GRIK2: variants seen among roughly 807,000 people sequenced by gnomAD.
The protein encoded by GRIK2 is glutamate receptor ionotropic, kainate 2.
A neutral mutation model predicts 100.3 loss-of-function variants in GRIK2; 32 were observed. The observed-to-expected ratio is 0.32, with a 90% CI of 0.24 to 0.43. The LOEUF is 0.43. Ranked by LOEUF, GRIK2 falls within the 20% of genes least tolerant of loss-of-function variation. The pLI is 1.00. For missense variants in GRIK2, 843 were observed against 1,114.9 expected (o/e 0.76, Z 3.47); for synonymous variants, 417 against 389.4 (o/e 1.07, Z -0.83).
At chr6:101,687,872 A>G (rs1341413551) in intron 7 of GRIK2, among the ~76,000 whole-genome samples, 3 of 151,466 alleles carry the variant, frequency 2.0e-5, no homozygotes, top group Non-Finnish European at 3.0e-5. Flanking sequence ...AAATTAAAAT[A>G]TTTTCCTTCA....
At chr6:101,533,574 ATTCAGAGAAGGCAAGCCTG>A (rs1426721106) in intron 2 of GRIK2, among the ~76,000 whole-genome samples, 2 of 152,032 alleles carry the variant, frequency 1.3e-5, no homozygotes, top group African/African-American at 4.8e-5. Context: ...CTACAAAACT[ATTCAGAGAAGGCAAGCCTG>A]TTCAGAAATT....
chr6:101,755,962 GT>G (rs1777110664), intron 7 of GRIK2, among the ~76,000 whole-genome samples: 1 of 152,122 alleles, frequency 6.6e-6, no homozygotes, highest in Non-Finnish European at 1.5e-5. Flanking sequence ...GGGGGAAAAT[GT>G]TTATAAGGAA....
chr6:101,787,390 C>T (rs538788023), intron 7 of GRIK2, among the ~76,000 whole-genome samples: 130 of 151,798 alleles, frequency 8.6e-4, no homozygotes, highest in Non-Finnish European at 1.6e-3. Flanking sequence ...TGAGGTGCAT[C>T]ATTAGGTTAT....
intron 7 of GRIK2, among the ~76,000 whole-genome samples, chr6:101,747,508 A>G (rs1776492276): frequency 1.3e-5 from 2 of 152,264 alleles, no homozygotes; most frequent in South Asian, 4.1e-4. Flanking sequence ...TTCTTTTCTG[A>G]AAATAAACTG....
chr6:101,681,381 A>C (rs1338957322), intron 5 of GRIK2, among the ~76,000 whole-genome samples: 1 of 148,318 alleles, frequency 6.7e-6, no homozygotes, highest in East Asian at 2.0e-4. Context: ...ATGTGCCACC[A>C]TGCCTGGCTA....
chr6:101,565,740 AC>A (rs1777224838), intron 2 of GRIK2, among the ~76,000 whole-genome samples: 1 of 151,386 alleles, frequency 6.6e-6, no homozygotes, highest in South Asian at 2.1e-4. Flanking sequence ...AGGGGTGCTG[AC>A]CCCCACACAG....
chr6:102,048,800 C>T (rs980195805), intron 15 of GRIK2, among the ~76,000 whole-genome samples: 3 of 151,902 alleles, frequency 2.0e-5, no homozygotes, highest in African/African-American at 7.2e-5. Context: ...CAAACCACTA[C>T]CTAATGCTAG....
chr6:101,451,242 A>G (rs1475567437), intron 2 of GRIK2, among the ~76,000 whole-genome samples: 1 of 151,694 alleles, frequency 6.6e-6, no homozygotes, highest in Admixed American at 6.6e-5. Context: ...GTTTGAGCTC[A>G]ATTGTCATTC....
At chr6:101,880,434 TC>T (rs1193259260) in intron 11 of GRIK2, among the ~76,000 whole-genome samples, 1 of 152,080 alleles carries the variant, frequency 6.6e-6, no homozygotes, top group African/African-American at 2.4e-5. Flanking sequence ...TCTGGGTATT[TC>T]TTGCTTCAAA....
At chr6:101,777,346 T>C (rs1271296333) in intron 7 of GRIK2, among the ~76,000 whole-genome samples, 1 of 152,118 alleles carries the variant, frequency 6.6e-6, no homozygotes, top group African/African-American at 2.4e-5. Context: ...CCCCTCCTTC[T>C]TGCTCAGAGG....
At chr6:101,928,663 A>G (rs1331557544) in intron 14 of GRIK2, 31 bp downstream of exon 14, 3 of 1,102,066 alleles carry the variant, frequency 2.7e-6, no homozygotes, top group African/African-American at 1.5e-5. Flanking sequence ...AAAATTTACA[A>G]ATTAAAATGA....
intron 2 of GRIK2, among the ~76,000 whole-genome samples, chr6:101,588,733 G>T (rs1057141345): frequency 6.6e-6 from 1 of 151,598 alleles, no homozygotes; most frequent in East Asian, 1.9e-4. Flanking sequence ...CCCATATTTG[G>T]GTGCATTGAA....
intron 2 of GRIK2, among the ~76,000 whole-genome samples, chr6:101,597,452 T>C (rs1778976696): frequency 6.6e-6 from 1 of 151,772 alleles, no homozygotes; most frequent in Non-Finnish European, 1.5e-5. Context: ...GTGTTGATTT[T>C]AGTGTATACT....
intron 16 of GRIK2, among the ~76,000 whole-genome samples, chr6:102,059,205 C>A (rs1359954400): frequency 6.6e-6 from 1 of 151,038 alleles, no homozygotes; most frequent in Non-Finnish European, 1.5e-5. Context: ...ATGGAAATTG[C>A]ATTCCTTTCA....
At position 101,732,394 on chromosome 6, in the gene GRIK2, TAAC is replaced by T. The variant is rs148161763; in HGVS notation, c.951+46044_951+46046del. On this transcript the variant is annotated intron_variant, in intron 7 of 16. Coordinates refer to ENST00000369134, the MANE Select transcript of GRIK2 (RefSeq NM_021956.5). ...TTATTGAGATTTTTACATTAAGTGA[TAAC>T]AATCATATTTTTTTTAGTTTTCAAA... is the stretch of plus-strand genomic sequence containing the variant. Among the ~76,000 whole-genome samples the T allele has an allele frequency of 9.2e-3, 1,393 of 152,238 alleles. 14 individuals are homozygous for T. The highest frequency in any genetic ancestry group is 0.015 in the Non-Finnish European group (1,030 of 68,002).
At chr6:102,054,313 G>A (rs1355902668) in intron 15 of GRIK2, among the ~76,000 whole-genome samples, 3 of 152,028 alleles carry the variant, frequency 2.0e-5, no homozygotes, top group African/African-American at 7.2e-5. Context: ...AAAATTACAG[G>A]CAATGTTGAA....
chr6:101,671,398 A>T (rs972176646), intron 4 of GRIK2, among the ~76,000 whole-genome samples: 2 of 152,270 alleles, frequency 1.3e-5, no homozygotes, highest in African/African-American at 4.8e-5. Context: ...AAAACAAAAA[A>T]AAAAGTGAGA....
chr6:101,823,860 CTGTTTTTTTTTTTT>C (rs1400906553), intron 10 of GRIK2, among the ~76,000 whole-genome samples: 2 of 130,788 alleles, frequency 1.5e-5, no homozygotes, highest in South Asian at 2.7e-4. Flanking sequence ...TGAGTAAGTT[CTGTTTTTTTTTTTT>C]TGTTTTTTTT....
intron 7 of GRIK2, among the ~76,000 whole-genome samples, chr6:101,731,607 C>T (rs1451198938): frequency 1.3e-5 from 2 of 151,834 alleles, no homozygotes; most frequent in Non-Finnish European, 2.9e-5. Context: ...TAAATTGTTA[C>T]TCTTATACAG....
Sources: gnomAD v4.1 joint callset for allele counts (sites outside exome capture counted in the v4.1 genomes callset) on GRCh38, gnomAD v4.1.1 for gene constraint, MANE v1.5 for transcripts, NCBI Gene and HGNC (gene_info 2026-07-23, HGNC 2026-07-21) for gene names.